COL24A1: variants seen among roughly 807,000 people sequenced by gnomAD.
COL24A1 encodes the protein collagen alpha-1(XXIV) chain.
In COL24A1, 224 loss-of-function variants were observed where a neutral mutation model predicts 253.9. The ratio of observed to expected loss-of-function variants is 0.88; its 90% CI spans 0.79 to 0.99. The LOEUF is 0.99. COL24A1 is among the 50% of genes least tolerant of loss of function. COL24A1 has a pLI of 0.00. For missense variants in COL24A1, 2,131 were observed against 2,068.5 expected (o/e 1.03, Z -0.59); for synonymous variants, 685 against 673.7 (o/e 1.02, Z -0.26).
chr1:85,916,613 G>A (rs915540936), intron 24 of COL24A1, among the ~76,000 whole-genome samples: 1 of 152,126 alleles, frequency 6.6e-6, no homozygotes, highest in Non-Finnish European at 1.5e-5. Context: ...TTGGACTCAG[G>A]AGGTCAAGGT....
chr1:86,120,728 G>C (rs887370449), intron 3 of COL24A1, among the ~76,000 whole-genome samples: 4 of 152,240 alleles, frequency 2.6e-5, no homozygotes, highest in African/African-American at 9.6e-5. Flanking sequence ...GTGGAAGACA[G>C]TGTGGCGATT....
intron 4 of COL24A1, among the ~76,000 whole-genome samples, chr1:86,114,390 T>G (rs1371400811): frequency 1.3e-5 from 2 of 152,130 alleles, no homozygotes; most frequent in African/African-American, 2.4e-5. Flanking sequence ...TAGCAGTGGA[T>G]AGGGAATAGA....
intron 20 of COL24A1, among the ~76,000 whole-genome samples, chr1:85,979,368 CA>C (rs975699912): frequency 2.0e-5 from 3 of 151,182 alleles, no homozygotes; most frequent in African/African-American, 7.3e-5. Context: ...TAAATTGAAA[CA>C]AAAAATACAA....
chr1:86,147,613 T>C (rs1652076792), intron 1 of COL24A1, among the ~76,000 whole-genome samples: 1 of 152,222 alleles, frequency 6.6e-6, no homozygotes, highest in Admixed American at 6.5e-5. Flanking sequence ...TTGTAAAAAA[T>C]GCAGATTTTG....
At chr1:86,088,236 A>G (rs1400249152) in intron 7 of COL24A1, among the ~76,000 whole-genome samples, 1 of 152,188 alleles carries the variant, frequency 6.6e-6, no homozygotes, top group African/African-American at 2.4e-5. Flanking sequence ...ACAAAATGGC[A>G]GTTGGGGTTT....
intron 10 of COL24A1, among the ~76,000 whole-genome samples, chr1:86,051,337 G>A (rs1224015787): frequency 6.6e-6 from 1 of 152,116 alleles, no homozygotes; most frequent in African/African-American, 2.4e-5. Flanking sequence ...ACATGATTAT[G>A]CAATAGGTGA....
At chr1:85,843,930 T>C (rs149279014) in intron 39 of COL24A1, among the ~76,000 whole-genome samples, 74 of 152,054 alleles carry the variant, frequency 4.9e-4, no homozygotes, top group Middle Eastern at 6.8e-3. Flanking sequence ...ATGCAAAATA[T>C]GTAACCTCCC....
chr1:85,908,078 T>C (rs1685012713), intron 27 of COL24A1, among the ~76,000 whole-genome samples: 2 of 151,782 alleles, frequency 1.3e-5, no homozygotes, highest in Admixed American at 1.3e-4. Flanking sequence ...AAGGCCGATC[T>C]TGTTCATATT....
At chr1:85,819,032 C>A (rs1363554653) in intron 45 of COL24A1, among the ~76,000 whole-genome samples, 1 of 152,196 alleles carries the variant, frequency 6.6e-6, no homozygotes, top group African/African-American at 2.4e-5. Flanking sequence ...AAAAGAGCAT[C>A]TTCTCTAAGA....
intron 19 of COL24A1, among the ~76,000 whole-genome samples, chr1:85,989,393 A>C (rs529741362): frequency 3.7e-4 from 56 of 151,880 alleles, no homozygotes; most frequent in African/African-American, 1.3e-3. Context: ...ACCATCTTCC[A>C]ATCATTTACT....
intron 43 of COL24A1, among the ~76,000 whole-genome samples, chr1:85,827,454 G>A (rs1367914645): frequency 6.6e-6 from 1 of 151,654 alleles, no homozygotes; most frequent in South Asian, 2.1e-4. Flanking sequence ...ATGAGTTAGG[G>A]AGGATTCCCT....
At chr1:85,987,713 C>G in intron 19 of COL24A1, 59 bp from the exon 20 acceptor site, 1 of 1,457,942 alleles carries the variant, frequency 6.9e-7, no homozygotes, top group South Asian at 1.2e-5. Context: ...ATCCATTTAG[C>G]ATATAAAATT....
intron 37 of COL24A1, among the ~76,000 whole-genome samples, chr1:85,866,287 T>C (rs1256480188): frequency 3.3e-5 from 5 of 152,182 alleles, no homozygotes; most frequent in African/African-American, 1.2e-4. Context: ...ATAATTTCTT[T>C]AGTGATTATT....
intron 11 of COL24A1, among the ~76,000 whole-genome samples, chr1:86,048,472 T>G (rs140730561): frequency 6.6e-6 from 1 of 152,140 alleles, no homozygotes; most frequent in Admixed American, 6.5e-5. Flanking sequence ...TCTTGTGTAT[T>G]TATATGTTAA....
chr1:85,864,194 A>G (rs1431883683), intron 37 of COL24A1, among the ~76,000 whole-genome samples: 1 of 152,140 alleles, frequency 6.6e-6, no homozygotes. Context: ...ATGTGGCATG[A>G]ACACACCATG....
intron 43 of COL24A1, among the ~76,000 whole-genome samples, chr1:85,833,504 T>G (rs904036106): frequency 6.6e-6 from 1 of 152,156 alleles, no homozygotes; most frequent in African/African-American, 2.4e-5. Flanking sequence ...AGGAACACTT[T>G]TACACTGTTG....
intron 45 of COL24A1, among the ~76,000 whole-genome samples, chr1:85,820,734 T>C (rs1673535675): frequency 1.3e-5 from 2 of 152,204 alleles, no homozygotes; most frequent in Non-Finnish European, 2.9e-5. Flanking sequence ...ACAGTACATA[T>C]AAAATTGTGC....
At chr1:85,834,283 T>G (rs1429098255) in intron 43 of COL24A1, among the ~76,000 whole-genome samples, 1 of 146,598 alleles carries the variant, frequency 6.8e-6, no homozygotes, top group Non-Finnish European at 1.5e-5. Flanking sequence ...AGAGACAGAG[T>G]GAGTGAGTGA....
rs1274940956 is a variant in COL24A1, at chr1:86,126,221, A to T, written c.122-7T>A. ...TGATGAAGAATATCTATGCCTGGAA[A>T]TTTAAAAAAGAGAGAGAGAAAGAAT... is the stretch of plus-strand genomic sequence containing the variant. On this transcript the variant is annotated splice_region_variant and splice_polypyrimidine_tract_variant and intron_variant, in intron 2 of 59. Transcript: ENST00000370571. 1.6e-5 allele frequency: 25 copies of T among 1,562,312 alleles called. 1 individual carries two copies. The Admixed American group carries it at 4.9e-4, about 30-fold the overall frequency.
Sources: allele counts gnomAD v4.1 joint callset (sites outside exome capture counted in the v4.1 genomes callset), GRCh38; gene constraint gnomAD v4.1.1; transcripts MANE v1.5; gene names NCBI Gene and HGNC (gene_info 2026-07-23, HGNC 2026-07-21).